DSCAM: variants seen among roughly 807,000 people sequenced by gnomAD.
DSCAM encodes the protein cell adhesion molecule DSCAM.
A neutral mutation model predicts 217.7 loss-of-function variants in DSCAM; 47 were observed. That is an observed-to-expected ratio of 0.22 (90% CI 0.17 to 0.28). The LOEUF is 0.28. Among genes scored for constraint, DSCAM ranks in the 10% least tolerant of loss-of-function variants. DSCAM has a pLI of 1.00. For synonymous variants in DSCAM, 1,056 were observed against 1,015.3 expected (o/e 1.04, Z -0.76); for missense variants, 2,080 against 2,618.3 (o/e 0.79, Z 4.49).
At chr21:40,766,870 A>G (rs961665059) in intron 1 of DSCAM, among the ~76,000 whole-genome samples, 1 of 151,704 alleles carries the variant, frequency 6.6e-6, no homozygotes, top group East Asian at 1.9e-4. Flanking sequence ...ATTTTTAGTA[A>G]AGACGGGGTT....
intron 1 of DSCAM, among the ~76,000 whole-genome samples, chr21:40,833,066 G>A (rs1016578186): frequency 6.6e-6 from 1 of 152,026 alleles, no homozygotes; most frequent in African/African-American, 2.4e-5. Flanking sequence ...CACCCCTCCC[G>A]GGGCCATCAC....
chr21:40,235,862 GT>G lies in DSCAM; in HGVS notation c.2356+40234del, dbSNP rs372865173. Among the ~76,000 whole-genome samples the G allele has an allele frequency of 1.4e-3, 219 of 152,066 alleles. 1 individual carries two copies. The highest frequency in any genetic ancestry group is 2.3e-3 in the Non-Finnish European group (158 of 67,990). On this transcript the variant is annotated intron_variant, in intron 11 of 32. Coordinates refer to ENST00000400454, the MANE Select transcript of DSCAM (RefSeq NM_001389.5). ...GTCACATTAGATGCAATAAACGTATGTTTGTATCATCAACGGGACTAAGAAA... is the reference window on the plus strand; with the variant it reads ...GTCACATTAGATGCAATAAACGTATGTTGTATCATCAACGGGACTAAGAAA...
rs1343214455 is a variant in DSCAM, at chr21:40,599,876, GAC to G, written c.508+92932_508+92933del. On this transcript the variant is annotated intron_variant, in intron 3 of 32. Transcript: ENST00000400454. ...TCTAGAAGAAATGGATAAATTCCTG[GAC>G]ACATACACCCTCCCAAGATGAAACC... 7.2e-5 allele frequency among the ~76,000 whole-genome samples: 11 copies of G among 152,192 alleles called. No homozygotes were observed. In the East Asian group the frequency reaches 2.1e-3, roughly 29 times the overall value.
At chr21:40,071,976 C>A (rs1454209840) in intron 27 of DSCAM, among the ~76,000 whole-genome samples, 1 of 152,210 alleles carries the variant, frequency 6.6e-6, no homozygotes, top group Non-Finnish European at 1.5e-5. Flanking sequence ...CCTGACCTTT[C>A]ATCGATTCCC....
intron 1 of DSCAM, among the ~76,000 whole-genome samples, chr21:40,812,349 T>C (rs949750877): frequency 3.9e-5 from 6 of 152,184 alleles, no homozygotes; most frequent in Non-Finnish European, 7.3e-5. Flanking sequence ...GAAGGAAGTC[T>C]TCCTAGATAA....
chr21:40,337,622 G>T (rs1008055231), intron 8 of DSCAM, among the ~76,000 whole-genome samples: 1 of 152,100 alleles, frequency 6.6e-6, no homozygotes, highest in Non-Finnish European at 1.5e-5. Flanking sequence ...ACGTTCTGTG[G>T]CATCCTTTAA....
At chr21:40,073,529 A>T (rs1309857318) in intron 27 of DSCAM, among the ~76,000 whole-genome samples, 1 of 152,162 alleles carries the variant, frequency 6.6e-6, no homozygotes, top group Admixed American at 6.5e-5. Flanking sequence ...GGAATTCAAC[A>T]TGGTCCACAT....
At chr21:40,349,490 T>C (rs147794930) in intron 5 of DSCAM, among the ~76,000 whole-genome samples, 8 of 152,290 alleles carry the variant, frequency 5.3e-5, no homozygotes, top group African/African-American at 1.9e-4. Flanking sequence ...GCATCTGTCA[T>C]ATGCCAAGGA....
At chr21:40,020,182 T>C (rs958512038) in intron 32 of DSCAM, among the ~76,000 whole-genome samples, 2 of 152,080 alleles carry the variant, frequency 1.3e-5, no homozygotes, top group African/African-American at 4.8e-5. Flanking sequence ...TTATAAGGGG[T>C]TGCCCCATTC....
chr21:40,334,881 C>G (rs768582889), intron 8 of DSCAM, among the ~76,000 whole-genome samples: 27 of 151,972 alleles, frequency 1.8e-4, no homozygotes, highest in Non-Finnish European at 1.5e-4. Context: ...AATAAAGCCC[C>G]CATCTCACTC....
intron 14 of DSCAM, 82 bp from the exon 15 acceptor site, chr21:40,179,176 T>TA: frequency 8.6e-6 from 2 of 231,598 alleles, no homozygotes; most frequent in South Asian, 1.6e-4. Context: ...CAAGTAGGAA[T>TA]TAAAAACCAA....
intron 4 of DSCAM, among the ~76,000 whole-genome samples, chr21:40,357,357 A>G (rs2074704807): frequency 6.6e-6 from 1 of 152,214 alleles, no homozygotes; most frequent in Admixed American, 6.5e-5. Context: ...ATCTTCTAGC[A>G]TGAACCAAGA....
chr21:40,336,847 T>C (rs895595087), intron 8 of DSCAM, among the ~76,000 whole-genome samples: 1 of 152,102 alleles, frequency 6.6e-6, no homozygotes, highest in Non-Finnish European at 1.5e-5. Flanking sequence ...GTGTCTAGAG[T>C]AGTGCCTGGC....
rs981483806 is a variant in DSCAM, at chr21:40,167,278, A to G, written c.2958T>C (p.Gly986=). The part of the protein sequence containing the change: ...TITADEAAPD[G]PPQEVHLEPI... The stretch of plus-strand genomic sequence containing the variant: ...GCTCCAGGTGAACTTCCTGAGGTGG[A>G]CCATCAGGAGCTGTAAGGACCAAAA... Residue 986 remains glycine, a synonymous_variant, in exon 16 of 33, where the codon GGT becomes GGC. Transcript: ENST00000400454. 3.7e-6 allele frequency: 6 copies of G among 1,613,920 alleles called. No homozygotes were observed. The highest frequency in any genetic ancestry group is 5.1e-6 in the Non-Finnish European group (6 of 1,179,990).
intron 11 of DSCAM, among the ~76,000 whole-genome samples, chr21:40,224,237 T>C (rs1458490939): frequency 1.3e-5 from 2 of 152,214 alleles, no homozygotes; most frequent in South Asian, 2.1e-4. Flanking sequence ...TCATGCATCA[T>C]TGAACACCAA....
At chr21:40,050,544 G>A (rs569440843) in intron 30 of DSCAM, among the ~76,000 whole-genome samples, 59 of 151,774 alleles carry the variant, frequency 3.9e-4, no homozygotes, top group Admixed American at 3.0e-3. Flanking sequence ...GTGCAGTGGC[G>A]TGATCTCAGC....
chr21:40,336,785 G>A (rs571286644), intron 8 of DSCAM, among the ~76,000 whole-genome samples: 1 of 152,190 alleles, frequency 6.6e-6, no homozygotes. Context: ...ACTGAGAAGA[G>A]AGTCAATGAA....
At chr21:40,834,407 C>T (rs774660678) in intron 1 of DSCAM, among the ~76,000 whole-genome samples, 3 of 133,094 alleles carry the variant, frequency 2.3e-5, no homozygotes, top group Non-Finnish European at 4.7e-5. Flanking sequence ...ACTCTGTCTC[C>T]AAAATAATAA....
intron 3 of DSCAM, among the ~76,000 whole-genome samples, chr21:40,463,459 A>G (rs943091812): frequency 6.6e-6 from 1 of 151,934 alleles, no homozygotes; most frequent in African/African-American, 2.4e-5. Context: ...CCCTTCTTCC[A>G]TCAGTTCTTC....
Sources: allele counts gnomAD v4.1 joint callset (sites outside exome capture counted in the v4.1 genomes callset), GRCh38; gene constraint gnomAD v4.1.1; transcripts MANE v1.5; gene names NCBI Gene and HGNC (gene_info 2026-07-23, HGNC 2026-07-21).